TRIM23: variants seen among roughly 807,000 people sequenced by gnomAD.
The protein encoded by TRIM23 is tripartite motif containing 23.
TRIM23 carries 27 observed loss-of-function variants against 71.0 expected under a neutral mutation model. That is an observed-to-expected ratio of 0.38 (90% CI 0.28 to 0.52). The LOEUF is 0.52. TRIM23 is among the 20% of genes least tolerant of loss of function. TRIM23 has a pLI of 0.84. For missense variants in TRIM23, 482 were observed against 692.3 expected (o/e 0.70, Z 3.41); for synonymous variants, 234 against 238.0 (o/e 0.98, Z 0.16).
At chr5:65,595,351 A>G (rs1307133473) in intron 9 of TRIM23, among the ~76,000 whole-genome samples, 1 of 151,880 alleles carries the variant, frequency 6.6e-6, no homozygotes, top group Admixed American at 6.6e-5. Flanking sequence ...AGGTCAGGAG[A>G]TGGAGACCAT....
intron 7 of TRIM23, 42 bp from the exon 8 acceptor site, chr5:65,597,222 G>A: frequency 3.1e-6 from 5 of 1,592,296 alleles, no homozygotes; most frequent in Non-Finnish European, 4.3e-6. Flanking sequence ...CATGCAGTTA[G>A]AAAGTAATAG....
intron 1 of TRIM23, among the ~76,000 whole-genome samples, chr5:65,620,205 A>T (rs116618131): frequency 0.024 from 3,700 of 152,286 alleles, 90 homozygotes; most frequent in Non-Finnish European, 0.031. Context: ...ACTCTCATAC[A>T]TTACTAATTG....
At chr5:65,621,152 A>C (rs1754930296) in intron 1 of TRIM23, among the ~76,000 whole-genome samples, 1 of 152,208 alleles carries the variant, frequency 6.6e-6, no homozygotes. Context: ...GGAGATTGAG[A>C]CCATCCTGGC....
intron 1 of TRIM23, among the ~76,000 whole-genome samples, 154 bp from the exon 2 acceptor site, chr5:65,618,409 A>G (rs952354452): frequency 3.3e-5 from 5 of 152,212 alleles, no homozygotes; most frequent in African/African-American, 7.2e-5. Flanking sequence ...ATCTTGAATC[A>G]CTTTTAAGTC....
chr5:65,607,248 C>A (rs973661297), intron 6 of TRIM23: 1 of 152,082 alleles, frequency 6.6e-6, no homozygotes, highest in East Asian at 1.9e-4. Flanking sequence ...GAATCCAAGA[C>A]CTTGATTTTT....
At chr5:65,614,339 C>A in intron 2 of TRIM23, 120 bp from the exon 3 acceptor site, 1 of 955,740 alleles carries the variant, frequency 1.0e-6, no homozygotes, top group East Asian at 2.6e-5. Flanking sequence ...TTTTAAAATT[C>A]AAATTTTCCC....
At chr5:65,599,000 C>G (rs1754286336) in intron 7 of TRIM23, among the ~76,000 whole-genome samples, 1 of 152,130 alleles carries the variant, frequency 6.6e-6, no homozygotes, top group Admixed American at 6.5e-5. Context: ...GAAATGCCCA[C>G]AGCTAACATC....
chr5:65,594,339 C>T (rs188978716), intron 10 of TRIM23, among the ~76,000 whole-genome samples, 182 bp downstream of exon 10: 1 of 152,192 alleles, frequency 6.6e-6, no homozygotes. Context: ...GCATTAACTA[C>T]CTTATTTCTA....
intron 7 of TRIM23, among the ~76,000 whole-genome samples, chr5:65,604,341 C>T (rs1319782526): frequency 4.6e-5 from 7 of 152,072 alleles, no homozygotes; most frequent in African/African-American, 1.4e-4. Context: ...GTGATCCACC[C>T]GCCTCGGCCT....
intron 2 of TRIM23, among the ~76,000 whole-genome samples, chr5:65,616,322 A>G (rs1388487693): frequency 6.6e-6 from 1 of 152,194 alleles, no homozygotes; most frequent in Non-Finnish European, 1.5e-5. Context: ...ACATTGTGGT[A>G]TTAATGTAGA....
At position 65,591,491 on chromosome 5, in the gene TRIM23, T is replaced by C. The variant is rs1470027499; in HGVS notation, c.*278A>G. 6.3e-7 allele frequency: 1 copy of C among 1,582,526 alleles called. No homozygotes were observed. On this transcript the variant is annotated 3_prime_UTR_variant, in exon 11 of 11. Coordinates refer to ENST00000231524, the MANE Select transcript of TRIM23 (RefSeq NM_001656.4). ...TCTTTCCCAGTATATTGGTCACATA[T>C]TATCTGAAAAACTTAAATAACAAAT...
intron 10 of TRIM23, among the ~76,000 whole-genome samples, chr5:65,592,260 CTG>C (rs1754060364): frequency 2.0e-5 from 3 of 152,180 alleles, no homozygotes; most frequent in African/African-American, 7.2e-5. Flanking sequence ...GAGTCTCACT[CTG>C]TCACCCAGAC....
In TRIM23 at chr5:65,589,873, T is replaced by C. The variant is rs1489885077; in HGVS notation, c.*1896A>G. The C allele has an allele frequency of 1.3e-5, 2 of 154,160 alleles. No individual in the cohort carries two copies. Among genetic ancestry groups the C allele is most frequent in the Admixed American group, 6.5e-5 (1 of 15,280 alleles). The allele number at this position is 154,160 out of a possible 1,614,324, so 9.5% of individuals were successfully genotyped here. On this transcript the variant is annotated 3_prime_UTR_variant, in exon 11 of 11. Coordinates refer to ENST00000231524, the MANE Select transcript of TRIM23 (RefSeq NM_001656.4). ...TTCAGCTACTAGGAAAATTCTAATATACTGTATATAAAAAAGCTCTCTTCT... is the reference window on the plus strand; with the variant it reads ...TTCAGCTACTAGGAAAATTCTAATACACTGTATATAAAAAAGCTCTCTTCT...
In TRIM23 at chr5:65,610,876, C is replaced by T; in HGVS notation, c.813G>A (p.Met271Ile). 1 of 1,607,260 alleles carries T rather than the reference C, an allele frequency of 6.2e-7. No homozygotes were observed. The highest frequency in any genetic ancestry group is 1.1e-5 in the South Asian group (1 of 89,450). Residue 271 changes from methionine (M) to isoleucine (I), a missense_variant, in exon 5 of 11, where the codon ATG (methionine) becomes ATA (isoleucine). This residue lies in a region of TRIM23 where 307 missense variants were observed against 495.8 expected (regional missense o/e 0.62). Transcript: ENST00000231524. Reference protein sequence around the residue: ...GEQIVEDGIGMAHTEHVPGTA... With the variant: ...GEQIVEDGIGIAHTEHVPGTA... The stretch of plus-strand genomic sequence containing the variant: ...AAATCCATACATGTTCTGTGTGAGC[C>T]ATTCCAATTCCATCTTCCACGATTT...
chr5:65,591,195 G>A lies in TRIM23; in HGVS notation c.*574C>T. On this transcript the variant is annotated 3_prime_UTR_variant, in exon 11 of 11. Coordinates refer to ENST00000231524, the MANE Select transcript of TRIM23 (RefSeq NM_001656.4). ...ACACTATATAAAGTATTAATTTTCT[G>A]TACCTTATAGTTCTTAGCATTAAAG... 1 of 1,159,046 alleles carries A rather than the reference G, an allele frequency of 8.6e-7. No homozygotes were observed. The highest frequency in any genetic ancestry group is 1.1e-6 in the Non-Finnish European group (1 of 939,456). 71.8% of individuals were successfully genotyped at this position (1,159,046 alleles called of 1,614,324 possible). A position where few individuals can be genotyped will look rare whatever the true frequency, so the allele number is the denominator to read the frequency against.
intron 6 of TRIM23, 25 bp from the exon 7 acceptor site, chr5:65,605,070 T>C: frequency 6.4e-7 from 1 of 1,560,984 alleles, no homozygotes; most frequent in South Asian, 1.2e-5. Context: ...ACAATATTTC[T>C]TATAAACTTT....
At chr5:65,613,407 T>C (rs1217765338) in intron 3 of TRIM23, among the ~76,000 whole-genome samples, 2 of 152,300 alleles carry the variant, frequency 1.3e-5, no homozygotes, top group South Asian at 2.1e-4. Context: ...ATACAAAATA[T>C]GTGGTTTGCA....
intron 6 of TRIM23, among the ~76,000 whole-genome samples, chr5:65,607,357 A>G (rs760733030): frequency 2.6e-5 from 4 of 152,064 alleles, no homozygotes; most frequent in Non-Finnish European, 2.9e-5. Context: ...TGTAATCCCC[A>G]CATGTCAAGG....
chr5:65,591,365 T>TA lies in TRIM23; in HGVS notation c.*403dup. 1 of 1,516,668 alleles carries TA rather than the reference T, an allele frequency of 6.6e-7. No homozygotes were observed. Among genetic ancestry groups the TA allele is most frequent in the Non-Finnish European group, 8.8e-7 (1 of 1,136,878 alleles). 94.0% of individuals were successfully genotyped at this position (1,516,668 alleles called of 1,614,324 possible). On this transcript the variant is annotated 3_prime_UTR_variant, in exon 11 of 11. Transcript: ENST00000231524. ...AAAGGCAGGTTAAAAGAAGCAGCTA[T>TA]ACTTCACTTGCTTCACACAGAGGTC...
Sources: allele counts gnomAD v4.1 joint callset (sites outside exome capture counted in the v4.1 genomes callset), GRCh38; gene constraint gnomAD v4.1.1; regional missense constraint gnomAD v4.1.1; transcripts MANE v1.5; gene names NCBI Gene and HGNC (gene_info 2026-07-23, HGNC 2026-07-21).